NRG1: variants seen among roughly 807,000 people sequenced by gnomAD.
NRG1 encodes pro-neuregulin-1, membrane-bound isoform.
In NRG1, 18 loss-of-function variants were observed where a neutral mutation model predicts 63.8. The observed-to-expected ratio is 0.28, with a 90% confidence interval of 0.19 to 0.42. The LOEUF is 0.42. NRG1 is among the 10% of genes least tolerant of loss of function. NRG1 has a pLI of 1.00. For missense variants in NRG1, 762 were observed against 814.7 expected (o/e 0.94, Z 0.79); for synonymous variants, 302 against 301.3 (o/e 1.00, Z -0.02).
At chr8:32,001,001 A>G (rs1251620516) in intron 1 of NRG1, among the ~76,000 whole-genome samples, 1 of 152,048 alleles carries the variant, frequency 6.6e-6, no homozygotes, top group Non-Finnish European at 1.5e-5. Flanking sequence ...ATAAACGTTG[A>G]TTTTAAAAAC....
At chr8:32,080,906 T>C (rs1827373979) in intron 1 of NRG1, among the ~76,000 whole-genome samples, 1 of 152,034 alleles carries the variant, frequency 6.6e-6, no homozygotes, top group Admixed American at 6.6e-5. Context: ...GTTGGCAGTC[T>C]AGAGACTCAG....
rs187803082 is a variant in NRG1 at position 32,459,353 on chromosome 8, C to T, written c.38-136475C>T. On this transcript the variant is annotated intron_variant, in intron 1 of 10. Coordinates refer to the NRG1 transcript ENST00000519301. ...GTTTTTCCTATCTTTACTTCTTCTC[C>T]TTAGTCTAAGCTATTATACTCTCTT... 1.2e-4 allele frequency among the ~76,000 whole-genome samples: 18 copies of T among 152,278 alleles called. No individual in the cohort carries two copies. The East Asian group carries it at 3.3e-3, about 28-fold the overall frequency.
intron 1 of NRG1, among the ~76,000 whole-genome samples, chr8:32,418,569 T>G (rs1348387013): frequency 6.6e-6 from 1 of 152,102 alleles, no homozygotes; most frequent in East Asian, 1.9e-4. Flanking sequence ...AATAGCCATA[T>G]GTGTCTATTG....
intron 9 of NRG1, among the ~76,000 whole-genome samples, chr8:32,758,301 G>A (rs1353546595): frequency 6.6e-6 from 1 of 152,100 alleles, no homozygotes; most frequent in African/African-American, 2.4e-5. Context: ...CTCTGACTAG[G>A]CATGGTGGCT....
upstream of NRG1, among the ~76,000 whole-genome samples, chr8:32,545,764 T>G (rs1833007173): frequency 6.6e-6 from 1 of 152,154 alleles, no homozygotes; most frequent in Non-Finnish European, 1.5e-5. Context: ...AAAAAAACCT[T>G]TTTGGACTGA....
chr8:31,934,345 ATATG>A lies in NRG1; in HGVS notation c.37+294916_37+294919del, dbSNP rs577346141. ...TATATGTGTGTGTATATATACATAT[ATATG>A]TGTGTGTATATATACATATATATAT... On this transcript the variant is annotated intron_variant, in intron 1 of 10. Coordinates refer to the NRG1 transcript ENST00000519301. Among the ~76,000 whole-genome samples the A allele has an allele frequency of 6.2e-3, 927 of 150,382 alleles. 12 individuals are homozygous for A. Among genetic ancestry groups the A allele is most frequent in the African/African-American group, 0.022 (885 of 40,920 alleles).
At chr8:32,664,941 T>A (rs1266801843) in intron 5 of NRG1, among the ~76,000 whole-genome samples, 1 of 152,192 alleles carries the variant, frequency 6.6e-6, no homozygotes, top group Admixed American at 6.5e-5. Flanking sequence ...TGTGCTCCAA[T>A]TTCCAGAAAA....
intron 1 of NRG1, among the ~76,000 whole-genome samples, chr8:32,232,691 C>A (rs1297598871): frequency 1.3e-5 from 2 of 152,252 alleles, no homozygotes; most frequent in Non-Finnish European, 1.5e-5. Flanking sequence ...CTATCTTTTA[C>A]TTTTTATCCC....
intron 11 of NRG1, chr8:32,763,140 A>G: frequency 6.9e-7 from 1 of 1,449,322 alleles, no homozygotes; most frequent in Non-Finnish European, 9.6e-7. Flanking sequence ...ATTTCATGGA[A>G]AAAATGAAAA....
chr8:32,165,875 T>G (rs745949235), intron 1 of NRG1, among the ~76,000 whole-genome samples: 3 of 152,164 alleles, frequency 2.0e-5, no homozygotes, highest in Non-Finnish European at 2.9e-5. Flanking sequence ...TATCATTCAT[T>G]GCCCCGAAAG....
At chr8:32,339,283 T>C (rs916496773) in intron 1 of NRG1, among the ~76,000 whole-genome samples, 3 of 152,192 alleles carry the variant, frequency 2.0e-5, no homozygotes, top group South Asian at 2.1e-4. Context: ...CTAATTGTAA[T>C]GATAAAAACT....
In NRG1 at chr8:31,784,021, T is replaced by A. The variant is rs570191680; in HGVS notation, c.37+144590T>A. On this transcript the variant is annotated intron_variant, in intron 1 of 10. Transcript: ENST00000519301. ...GGAAACTAATGCATGGATATGTGAT[T>A]TATATTGCTCAAGGTGACAAAATTG... 2.6e-5 allele frequency among the ~76,000 whole-genome samples: 4 copies of A among 152,318 alleles called. No individual in the cohort carries two copies. The East Asian group carries it at 5.8e-4, about 22-fold the overall frequency.
At chr8:32,178,959 T>G (rs1841116891) in intron 1 of NRG1, among the ~76,000 whole-genome samples, 1 of 152,066 alleles carries the variant, frequency 6.6e-6, no homozygotes, top group Non-Finnish European at 1.5e-5. Context: ...GGATCTCGAT[T>G]CTCAATGCCA....
At chr8:32,118,818 C>A (rs4733295) in intron 1 of NRG1, among the ~76,000 whole-genome samples, 1 of 151,758 alleles carries the variant, frequency 6.6e-6, no homozygotes, top group Non-Finnish European at 1.5e-5. Context: ...TTTCACCGTC[C>A]TTTGAAGTGT....
At chr8:32,087,150 G>C (rs541065278) in intron 1 of NRG1, among the ~76,000 whole-genome samples, 52 of 152,172 alleles carry the variant, frequency 3.4e-4, no homozygotes, top group Non-Finnish European at 5.9e-4. Context: ...TCTCCAAATC[G>C]CATGTAGAAA....
At chr8:32,374,526 G>A (rs1307918690) in intron 1 of NRG1, among the ~76,000 whole-genome samples, 1 of 152,186 alleles carries the variant, frequency 6.6e-6, no homozygotes, top group Admixed American at 6.5e-5. Flanking sequence ...TGACAATTTA[G>A]GTGCCAGCTG....
At chr8:32,737,826 A>C (rs1338420751) in intron 6 of NRG1, among the ~76,000 whole-genome samples, 3 of 151,638 alleles carry the variant, frequency 2.0e-5, no homozygotes, top group Admixed American at 2.0e-4. Flanking sequence ...ACAGGCGCCC[A>C]CCACCACGCC....
intron 1 of NRG1, among the ~76,000 whole-genome samples, chr8:31,668,323 G>A (rs915464029): frequency 3.5e-4 from 53 of 152,268 alleles, no homozygotes; most frequent in Middle Eastern, 3.4e-3. Context: ...GTTAATAGGT[G>A]CAGTTTTGCT....
chr8:32,301,956 A>G (rs1855618322), intron 1 of NRG1, among the ~76,000 whole-genome samples: 1 of 152,238 alleles, frequency 6.6e-6, no homozygotes, highest in South Asian at 2.1e-4. Context: ...TGTGCTGAAT[A>G]CAAAGATGCT....
Sources: gnomAD v4.1 joint callset for allele counts (sites outside exome capture counted in the v4.1 genomes callset) on GRCh38, gnomAD v4.1.1 for gene constraint, MANE v1.5 for transcripts, NCBI Gene and HGNC (gene_info 2026-07-23, HGNC 2026-07-21) for gene names.